The following ALK variants were observed in gnomAD, a reference collection of about 807,000 sequenced individuals.
ALK encodes ALK tyrosine kinase receptor.
A neutral mutation model predicts 163.1 loss-of-function variants in ALK; 74 were observed. The observed-to-expected ratio is 0.45, with a 90% CI of 0.38 to 0.55. The LOEUF (loss-of-function observed/expected upper bound fraction) is 0.55, where lower values mean the gene tolerates loss of function less well. Ranked by LOEUF, ALK falls within the 20% of genes least tolerant of loss-of-function variation. ALK has a pLI of 0.00. For synonymous variants in ALK, 960 were observed against 843.2 expected (o/e 1.14, Z -2.40); for missense variants, 2,063 against 2,105.3 (o/e 0.98, Z 0.39).
intron 9 of ALK, among the ~76,000 whole-genome samples, chr2:29,285,165 CT>C (rs1355565780): frequency 3.9e-5 from 6 of 152,228 alleles, no homozygotes; most frequent in African/African-American, 1.4e-4. Context: ...GCTCCAATCA[CT>C]TGCCACTGGG....
chr2:29,225,837 A>G (rs1028170448), intron 18 of ALK, among the ~76,000 whole-genome samples: 2 of 152,186 alleles, frequency 1.3e-5, no homozygotes, highest in Non-Finnish European at 2.9e-5. Flanking sequence ...GAGCTGCACA[A>G]CTATGGGGTG....
At chr2:29,424,009 T>C (rs1016030658) in intron 4 of ALK, among the ~76,000 whole-genome samples, 37 of 152,346 alleles carry the variant, frequency 2.4e-4, no homozygotes, top group African/African-American at 8.7e-4. Context: ...CAGGCCTTTT[T>C]TTCATGTATC....
chr2:29,773,232 G>GTACACA (rs1021823835), intron 1 of ALK, among the ~76,000 whole-genome samples: 10 of 123,186 alleles, frequency 8.1e-5, no homozygotes, highest in African/African-American at 3.3e-4. Context: ...CACAGTAAAT[G>GTACACA]TACACACACA....
intron 1 of ALK, among the ~76,000 whole-genome samples, chr2:29,779,995 T>C (rs1213439261): frequency 1.3e-5 from 2 of 152,228 alleles, no homozygotes; most frequent in African/African-American, 4.8e-5. Flanking sequence ...TTCCTTGATC[T>C]TGGGAATGCT....
chr2:29,841,666 A>C (rs1163621957), intron 1 of ALK, among the ~76,000 whole-genome samples: 1 of 152,214 alleles, frequency 6.6e-6, no homozygotes, highest in Non-Finnish European at 1.5e-5. Context: ...CAAGAGCCTT[A>C]GTGCTGTCTG....
At chr2:29,589,306 G>A (rs573226370) in intron 3 of ALK, among the ~76,000 whole-genome samples, 1 of 152,298 alleles carries the variant, frequency 6.6e-6, no homozygotes, top group East Asian at 1.9e-4. Flanking sequence ...TAACAGGTGA[G>A]GGTCACAGGC....
At chr2:29,536,010 G>C (rs1024999801) in intron 3 of ALK, among the ~76,000 whole-genome samples, 1 of 152,112 alleles carries the variant, frequency 6.6e-6, no homozygotes, top group South Asian at 2.1e-4. Flanking sequence ...TACATCCCTA[G>C]GAAGGGCTCC....
At chr2:29,752,348 CTTT>C (rs34424748) in intron 1 of ALK, among the ~76,000 whole-genome samples, 4 of 120,968 alleles carry the variant, frequency 3.3e-5, no homozygotes, top group African/African-American at 1.0e-4. Flanking sequence ...ATTTTCTTTT[CTTT>C]TTTTTTTTTT....
chr2:29,901,001 GCA>G (rs1667402047), intron 1 of ALK, among the ~76,000 whole-genome samples: 1 of 138,898 alleles, frequency 7.2e-6, no homozygotes, highest in African/African-American at 3.4e-5. Flanking sequence ...GAGAGAGCAA[GCA>G]AGCAAGCAAG....
rs544709529 is a variant in ALK, at chr2:29,734,655, AAC to A, written c.668-16960_668-16959del. Among the ~76,000 whole-genome samples, 577 of 151,332 alleles carry A rather than the reference AAC, an allele frequency of 3.8e-3. 4 individuals are homozygous for A. The highest frequency in any genetic ancestry group is 0.013 in the African/African-American group (536 of 41,340). ...TCTCTTTCTCCCTCTCTCTTTCTGA[AAC>A]ACACACACACACACAAATATCCAAA... On this transcript the variant is annotated intron_variant, in intron 1 of 28. Transcript: ENST00000389048.
chr2:29,264,766 C>G (rs1665170191), intron 11 of ALK, among the ~76,000 whole-genome samples: 1 of 152,186 alleles, frequency 6.6e-6, no homozygotes, highest in South Asian at 2.1e-4. Flanking sequence ...ACTTTTGGCC[C>G]TTTGGGGCTC....
intron 5 of ALK, among the ~76,000 whole-genome samples, chr2:29,358,177 A>G (rs1668297410): frequency 6.6e-6 from 1 of 152,350 alleles, no homozygotes. Flanking sequence ...TGAACATTTC[A>G]TGCAAGAAAA....
intron 12 of ALK, among the ~76,000 whole-genome samples, chr2:29,241,218 G>A (rs569562739): frequency 5.9e-5 from 9 of 152,234 alleles, no homozygotes; most frequent in Admixed American, 1.3e-4. Flanking sequence ...CTGAGGAGAC[G>A]ATCTTCATGA....
chr2:29,788,523 G>A (rs573458123), intron 1 of ALK, among the ~76,000 whole-genome samples: 93 of 152,294 alleles, frequency 6.1e-4, no homozygotes, highest in African/African-American at 2.2e-3. Context: ...GGGTATTCAT[G>A]AGAAAGCGAA....
At chr2:29,194,736 T>C (rs1668981740) in intron 28 of ALK, among the ~76,000 whole-genome samples, 1 of 145,232 alleles carries the variant, frequency 6.9e-6, no homozygotes, top group South Asian at 2.1e-4. Context: ...CAGGCTGGTG[T>C]CGAACTCCTG....
At chr2:29,506,663 G>A (rs1672334084) in intron 4 of ALK, among the ~76,000 whole-genome samples, 1 of 151,836 alleles carries the variant, frequency 6.6e-6, no homozygotes, top group South Asian at 2.1e-4. Context: ...GGAGAATGGT[G>A]TGAACCCAGG....
intron 1 of ALK, among the ~76,000 whole-genome samples, chr2:29,869,729 A>G (rs1213490061): frequency 4.6e-5 from 7 of 152,188 alleles, no homozygotes; most frequent in Non-Finnish European, 7.4e-5. Context: ...ACAAAGGAAA[A>G]TATTAATGGA....
intron 9 of ALK, among the ~76,000 whole-genome samples, chr2:29,290,944 G>C (rs547847475): frequency 6.6e-6 from 1 of 152,116 alleles, no homozygotes; most frequent in East Asian, 1.9e-4. Flanking sequence ...AGCAGGAGGT[G>C]GTGGTGGGAA....
chr2:29,694,996 T>C lies in ALK; in HGVS notation c.806A>G (p.Asp269Gly), dbSNP rs1678512774. The C allele has an allele frequency of 3.7e-6, 6 of 1,613,912 alleles. No homozygotes were observed. In the East Asian group the frequency reaches 1.1e-4, roughly 30 times the overall value. ...RSRYGLECSF[D>G]FPCELEYSPP... The stretch of plus-strand genomic sequence containing the variant: ...GGAATACTCCAGCTCACAGGGGAAG[T>C]CAAAGCTGCACTCCAGACCTGCAAT... The change falls in exon 3 of 29, where the codon GAC (aspartate) becomes GGC (glycine). Residue 269 changes from aspartate (D) to glycine (G), a missense_variant. Physicochemically the swap from Asp to Gly is moderately conservative, Grantham distance 94 (BLOSUM62 -1). Around this residue, in one of 5 missense-constraint regions of ALK, gnomAD observed 987 missense variants for 939.5 expected, o/e 1.05. Coordinates refer to ENST00000389048, the MANE Select transcript of ALK (RefSeq NM_004304.5).
Sources: allele counts gnomAD v4.1 joint callset (sites outside exome capture counted in the v4.1 genomes callset), GRCh38; gene constraint gnomAD v4.1.1; regional missense constraint gnomAD v4.1.1; transcripts MANE v1.5; gene names NCBI Gene and HGNC (gene_info 2026-07-23, HGNC 2026-07-21).